The following SLC25A21 variants were observed in gnomAD, a reference collection of about 807,000 sequenced individuals.
SLC25A21 encodes the protein solute carrier family 25 member 21, also known as mitochondrial 2-oxodicarboxylate carrier.
In SLC25A21, 47 loss-of-function variants were observed where a neutral mutation model predicts 43.8. That is an observed-to-expected ratio of 1.07 (90% CI 0.85 to 1.37). The LOEUF is 1.37. Ranked by LOEUF, SLC25A21 falls within the 40% of genes most tolerant of loss-of-function variation. The probability of loss-of-function intolerance (pLI) is 0.00; values close to 1 mark genes in which losing one functional copy is unlikely to be tolerated. For synonymous variants in SLC25A21, 131 were observed against 121.3 expected (o/e 1.08, Z -0.52); for missense variants, 352 against 350.2 (o/e 1.00, Z -0.04).
At chr14:36,873,085 G>A (rs888430749) in intron 2 of SLC25A21, among the ~76,000 whole-genome samples, 1 of 152,116 alleles carries the variant, frequency 6.6e-6, no homozygotes, top group African/African-American at 2.4e-5. Context: ...ACTAAGTTAG[G>A]AAATTACCCT....
At chr14:37,087,617 T>C (rs1202358342) in intron 1 of SLC25A21, among the ~76,000 whole-genome samples, 2 of 152,230 alleles carry the variant, frequency 1.3e-5, no homozygotes, top group Admixed American at 6.5e-5. Context: ...CCTTTCTCGC[T>C]CATCTAGATA....
chr14:36,987,756 A>G (rs1179406433), intron 1 of SLC25A21, among the ~76,000 whole-genome samples: 2 of 152,154 alleles, frequency 1.3e-5, no homozygotes, highest in African/African-American at 2.4e-5. Flanking sequence ...CATCAATTTT[A>G]GTCCACACCA....
At chr14:36,979,626 T>G (rs2139746) in intron 1 of SLC25A21, among the ~76,000 whole-genome samples, 66,641 of 152,064 alleles carry the variant, frequency 0.44, 18,141 homozygotes, top group African/African-American at 0.78. Flanking sequence ...AAAGTGCAGG[T>G]ATTACAGGCG....
At chr14:36,858,351 T>A (rs181019310) in intron 2 of SLC25A21, among the ~76,000 whole-genome samples, 222 of 152,294 alleles carry the variant, frequency 1.5e-3, no homozygotes, top group African/African-American at 5.1e-3. Context: ...AAATAACTTC[T>A]CAACCTGATG....
intron 1 of SLC25A21, among the ~76,000 whole-genome samples, chr14:37,167,169 ACAGGGAGTATGAAATT>A (rs1170528452): frequency 6.6e-6 from 1 of 152,226 alleles, no homozygotes; most frequent in Non-Finnish European, 1.5e-5. Flanking sequence ...AGGGCATATA[ACAGGGAGTATGAAATT>A]CATTCTTCTG....
At chr14:37,103,436 G>C (rs1405489992) in intron 1 of SLC25A21, among the ~76,000 whole-genome samples, 2 of 152,132 alleles carry the variant, frequency 1.3e-5, no homozygotes, top group Non-Finnish European at 2.9e-5. Flanking sequence ...AATAAATATA[G>C]TCACCATGGG....
intron 1 of SLC25A21, among the ~76,000 whole-genome samples, chr14:37,061,297 C>CAT (rs1235288441): frequency 6.6e-6 from 1 of 152,206 alleles, no homozygotes; most frequent in African/African-American, 2.4e-5. Context: ...CAAGCAACAG[C>CAT]ATTCAGGCTG....
At position 37,069,209 on chromosome 14, in the gene SLC25A21, T is replaced by C. The variant is rs575149111; in HGVS notation, c.70+103072A>G. On this transcript the variant is annotated intron_variant, in intron 1 of 9. Transcript: ENST00000331299. ...AAAAAAAAACTTAAGGTACTTCTCT[T>C]ATTACTGTTTATGACACTGAAACAT... Among the ~76,000 whole-genome samples the C allele has an allele frequency of 2.0e-5, 3 of 152,238 alleles. No homozygotes were observed. In the East Asian group the frequency reaches 5.8e-4, roughly 29 times the overall value.
chr14:36,732,542 A>G (rs201520997), intron 4 of SLC25A21, among the ~76,000 whole-genome samples: 2 of 152,300 alleles, frequency 1.3e-5, no homozygotes, highest in East Asian at 3.9e-4. Flanking sequence ...TATTACTTTA[A>G]TGATAAAGCT....
chr14:36,840,226 G>GT (rs1208616240), intron 2 of SLC25A21, among the ~76,000 whole-genome samples: 1 of 151,366 alleles, frequency 6.6e-6, no homozygotes, highest in Non-Finnish European at 1.5e-5. Flanking sequence ...TTTTTAAACA[G>GT]TATTATTTTT....
intron 1 of SLC25A21, among the ~76,000 whole-genome samples, chr14:37,060,375 C>T (rs1043813479): frequency 2.0e-4 from 27 of 132,192 alleles, no homozygotes; most frequent in Non-Finnish European, 3.3e-4. Context: ...AGGCACTCTA[C>T]TCTCTAATAA....
chr14:37,052,928 G>A (rs1207392839), intron 1 of SLC25A21, among the ~76,000 whole-genome samples: 6 of 152,146 alleles, frequency 3.9e-5, no homozygotes, highest in Admixed American at 2.0e-4. Flanking sequence ...ATGAGCCTTT[G>A]CATCTGGCCA....
chr14:37,078,015 A>T (rs2415381), intron 1 of SLC25A21, among the ~76,000 whole-genome samples: 12,598 of 152,098 alleles, frequency 0.083, 783 homozygotes, highest in South Asian at 0.25. Flanking sequence ...ATTTCTTAAA[A>T]TTTGAGATTT....
chr14:36,836,317 T>C (rs1270249958), intron 2 of SLC25A21, among the ~76,000 whole-genome samples: 3 of 152,326 alleles, frequency 2.0e-5, no homozygotes, highest in Non-Finnish European at 2.9e-5. Context: ...CCCAACATGG[T>C]TCAAACCAGG....
intron 1 of SLC25A21, among the ~76,000 whole-genome samples, chr14:37,074,666 T>G (rs779375538): frequency 6.6e-6 from 1 of 151,918 alleles, no homozygotes; most frequent in Non-Finnish European, 1.5e-5. Context: ...ACCCCGTCTC[T>G]ACTAAAAATA....
chr14:36,718,040 A>G (rs1353957502), intron 6 of SLC25A21, among the ~76,000 whole-genome samples: 4 of 152,254 alleles, frequency 2.6e-5, no homozygotes, highest in Middle Eastern at 3.4e-3. Context: ...TAATTTACAA[A>G]ATTATATTAA....
intron 3 of SLC25A21, among the ~76,000 whole-genome samples, chr14:36,767,473 C>T (rs1440279764): frequency 6.6e-6 from 1 of 152,166 alleles, no homozygotes; most frequent in African/African-American, 2.4e-5. Flanking sequence ...TACTATTTGC[C>T]TTAGAGAGAA....
chr14:36,909,863 A>AT (rs542723116), intron 1 of SLC25A21, among the ~76,000 whole-genome samples: 201 of 151,724 alleles, frequency 1.3e-3, no homozygotes, highest in Non-Finnish European at 2.2e-3. Context: ...GAATATATAG[A>AT]TTTTTTTTTA....
chr14:36,785,103 A>G (rs369303854), intron 3 of SLC25A21, among the ~76,000 whole-genome samples: 10 of 152,166 alleles, frequency 6.6e-5, no homozygotes, highest in South Asian at 2.1e-4. Context: ...CTGTACCCTC[A>G]TAGAGGACAA....
Sources: gnomAD v4.1 joint callset for allele counts (sites outside exome capture counted in the v4.1 genomes callset) on GRCh38, gnomAD v4.1.1 for gene constraint, MANE v1.5 for transcripts, NCBI Gene and HGNC (gene_info 2026-07-23, HGNC 2026-07-21) for gene names.